GTF2F2: variants seen among roughly 807,000 people sequenced by gnomAD.
GTF2F2 encodes ATP-dependent helicase GTF2F2.
In GTF2F2, 23 loss-of-function variants were observed where a neutral mutation model predicts 42.2. That is an observed-to-expected ratio of 0.55 (90% confidence interval 0.39 to 0.77). The LOEUF is 0.77. Among genes scored for constraint, GTF2F2 ranks in the 30% least tolerant of loss-of-function variants. The pLI is 0.00. For missense variants in GTF2F2, 261 were observed against 287.2 expected, an observed-to-expected ratio of 0.91 and a Z score of 0.66; for synonymous variants, 105 against 100.8, an observed-to-expected ratio of 1.04 and a Z score of -0.25.
chr13:45,140,844 G>C (rs1869894353), intron 2 of GTF2F2, among the ~76,000 whole-genome samples: 1 of 152,180 alleles, frequency 6.6e-6, no homozygotes, highest in South Asian at 2.1e-4. Flanking sequence ...CTAAAGGAGA[G>C]AGTACTTAGA....
intron 4 of GTF2F2, among the ~76,000 whole-genome samples, chr13:45,178,517 A>T: frequency 6.8e-6 from 1 of 148,110 alleles, no homozygotes; most frequent in African/African-American, 2.5e-5. Flanking sequence ...CTTTATGTTG[A>T]TGCTTTTACT....
intron 4 of GTF2F2, among the ~76,000 whole-genome samples, chr13:45,180,226 C>T (rs1327518917): frequency 6.6e-6 from 1 of 152,082 alleles, no homozygotes; most frequent in Admixed American, 6.6e-5. Flanking sequence ...GGCTTTTGAT[C>T]ATGTCATCTT....
At chr13:45,126,667 T>G (rs1244932388) in intron 1 of GTF2F2, among the ~76,000 whole-genome samples, 1 of 144,684 alleles carries the variant, frequency 6.9e-6, no homozygotes, top group East Asian at 1.9e-4. Flanking sequence ...AAAACGGACA[T>G]GGTATATATA....
At chr13:45,126,707 TA>T (rs1355845543) in intron 1 of GTF2F2, among the ~76,000 whole-genome samples, 1 of 152,232 alleles carries the variant, frequency 6.6e-6, no homozygotes, top group African/African-American at 2.4e-5. Flanking sequence ...TAGCCCAGTA[TA>T]GGAGACAGAC....
chr13:45,200,436 A>C (rs552018867), intron 4 of GTF2F2, among the ~76,000 whole-genome samples: 1 of 152,104 alleles, frequency 6.6e-6, no homozygotes, highest in East Asian at 1.9e-4. Context: ...ACTCCCGTAT[A>C]GTTGGGGCCA....
intron 4 of GTF2F2, among the ~76,000 whole-genome samples, chr13:45,153,134 T>G (rs1593457955): frequency 6.6e-6 from 1 of 151,782 alleles, no homozygotes; most frequent in Admixed American, 6.6e-5. Context: ...CTCAGCCTCC[T>G]GAATAGCTGG....
intron 4 of GTF2F2, among the ~76,000 whole-genome samples, chr13:45,185,443 G>T (rs1187115697): frequency 6.6e-6 from 1 of 151,496 alleles, no homozygotes; most frequent in East Asian, 1.9e-4. Context: ...TATACATATT[G>T]TAAGCACATG....
In GTF2F2 at chr13:45,174,065, A is replaced by G. The variant is rs530132478; in HGVS notation, c.304+22234A>G. On this transcript the variant is annotated intron_variant, in intron 4 of 7. Coordinates refer to ENST00000340473, the MANE Select transcript of GTF2F2 (RefSeq NM_004128.3). ...ATTCCTTTCTATTGCTGAGTATTCCATGGTATGGATGTACCACAGTACATC... is the reference window on the plus strand; with the variant it reads ...ATTCCTTTCTATTGCTGAGTATTCCGTGGTATGGATGTACCACAGTACATC... Among the ~76,000 whole-genome samples the G allele has an allele frequency of 1.9e-4, 29 of 152,216 alleles. No homozygotes were observed. In the South Asian group the frequency reaches 2.5e-3, roughly 13 times the overall value.
At chr13:45,231,784 T>A (rs1874700057) in intron 5 of GTF2F2, among the ~76,000 whole-genome samples, 1 of 152,314 alleles carries the variant, frequency 6.6e-6, no homozygotes, top group African/African-American at 2.4e-5. Context: ...TTTCTCTGAA[T>A]CCCAGCTCAC....
intron 4 of GTF2F2, among the ~76,000 whole-genome samples, chr13:45,181,130 A>G (rs7319872): frequency 0.35 from 52,523 of 149,068 alleles, 12,994 homozygotes; most frequent in African/African-American, 0.7. Flanking sequence ...TCACACCACT[A>G]CACTCCAGCC....
intron 5 of GTF2F2, among the ~76,000 whole-genome samples, chr13:45,231,631 C>T (rs1008387411): frequency 1.3e-5 from 2 of 151,998 alleles, no homozygotes; most frequent in African/African-American, 2.4e-5. Flanking sequence ...CACAACTGGT[C>T]GTAAATGAAG....
At chr13:45,128,857 T>A (rs1405635537) in intron 1 of GTF2F2, among the ~76,000 whole-genome samples, 1 of 151,936 alleles carries the variant, frequency 6.6e-6, no homozygotes, top group Non-Finnish European at 1.5e-5. Flanking sequence ...CCTTCCAAAG[T>A]GCTGAGATTA....
chr13:45,143,241 G>T (rs1219538939), intron 2 of GTF2F2, among the ~76,000 whole-genome samples: 1 of 152,144 alleles, frequency 6.6e-6, no homozygotes, highest in African/African-American at 2.4e-5. Flanking sequence ...AAGTATGTAG[G>T]TTTATAGGTT....
intron 5 of GTF2F2, among the ~76,000 whole-genome samples, chr13:45,223,104 C>CCAGCTACGCCTGTAGTCT (rs1039560121): frequency 2.6e-5 from 4 of 151,434 alleles, no homozygotes; most frequent in African/African-American, 9.7e-5. Flanking sequence ...GCCTATAGTC[C>CCAGCTACGCCTGTAGTCT]CAGCTACGCC....
chr13:45,230,802 A>C (rs1874637365), intron 5 of GTF2F2, among the ~76,000 whole-genome samples: 1 of 152,226 alleles, frequency 6.6e-6, no homozygotes, highest in Non-Finnish European at 1.5e-5. Context: ...CTAAAATGTA[A>C]GAATATCTTT....
intron 5 of GTF2F2, among the ~76,000 whole-genome samples, chr13:45,249,521 G>A (rs1306408984): frequency 6.6e-6 from 1 of 152,220 alleles, no homozygotes; most frequent in Non-Finnish European, 1.5e-5. Flanking sequence ...ATAAACCTGA[G>A]TCTGGATGCA....
chr13:45,246,176 T>G (rs528669961), intron 5 of GTF2F2, among the ~76,000 whole-genome samples: 1 of 151,116 alleles, frequency 6.6e-6, no homozygotes, highest in African/African-American at 2.4e-5. Flanking sequence ...GCCCGGCTAA[T>G]TTTTTGTATT....
At chr13:45,279,034 G>A (rs1877150635) in intron 7 of GTF2F2, among the ~76,000 whole-genome samples, 2 of 151,842 alleles carry the variant, frequency 1.3e-5, no homozygotes, top group South Asian at 4.2e-4. Flanking sequence ...ATGTTGGCCG[G>A]CTGGTCTTGA....
chr13:45,274,175 C>T (rs914305699), intron 7 of GTF2F2, among the ~76,000 whole-genome samples: 3 of 152,098 alleles, frequency 2.0e-5, no homozygotes, highest in Non-Finnish European at 4.4e-5. Context: ...TATACATTAA[C>T]ATGCAGAGCC....
Sources: gnomAD v4.1 joint callset for allele counts (sites outside exome capture counted in the v4.1 genomes callset) on GRCh38, gnomAD v4.1.1 for gene constraint, MANE v1.5 for transcripts, NCBI Gene and HGNC (gene_info 2026-07-23, HGNC 2026-07-21) for gene names.